The following IYD variants were observed in gnomAD, a reference collection of about 807,000 sequenced individuals.
IYD encodes the protein iodotyrosine deiodinase.
A neutral mutation model predicts 28.4 loss-of-function variants in IYD; 25 were observed. The ratio of observed to expected loss-of-function variants is 0.88; its 90% CI spans 0.64 to 1.23. The LOEUF (loss-of-function observed/expected upper bound fraction) is 1.23. Among genes scored for constraint, IYD ranks in the 50% most tolerant of loss-of-function variants. The pLI, the probability that IYD is intolerant of heterozygous loss-of-function variation, is 0.00. For missense variants in IYD, 352 were observed against 357.9 expected (o/e 0.98, Z 0.13); for synonymous variants, 140 against 130.8 (o/e 1.07, Z -0.48).
At chr6:150,397,394 C>T (rs998829226) in intron 4 of IYD, among the ~76,000 whole-genome samples, 1 of 151,758 alleles carries the variant, frequency 6.6e-6, no homozygotes, top group Non-Finnish European at 1.5e-5. Flanking sequence ...TATGGCAAAA[C>T]CCCATCTCTA....
Position 150,398,654 on chromosome 6 carries a change from G to T in IYD, c.*417G>T. ...AATGGTCTCCTGTTCTCTGATTTCT[G>T]GTGGCTTTTAGACACTAATTTTTGA... On this transcript the variant is annotated 3_prime_UTR_variant, in exon 5 of 5. Coordinates refer to ENST00000344419, the MANE Select transcript of IYD (RefSeq NM_203395.3). 6.2e-6 allele frequency: 1 copy of T among 161,842 alleles called. No individual in the cohort carries two copies. The highest frequency in any genetic ancestry group is 1.3e-5 in the Non-Finnish European group (1 of 74,472). The allele number at this position is 161,842 out of a possible 1,614,324, so 10.0% of individuals were successfully genotyped here.
chr6:150,369,592 G>A (rs1473473123), intron 1 of IYD, among the ~76,000 whole-genome samples: 1 of 152,190 alleles, frequency 6.6e-6, no homozygotes, highest in East Asian at 1.9e-4. Flanking sequence ...CATCACCTAG[G>A]AGGCTGCTAC....
Position 150,383,717 on chromosome 6 carries a change from C to G in IYD, c.179-5635C>G, listed in dbSNP as rs528093887. 1.2e-3 allele frequency among the ~76,000 whole-genome samples: 181 copies of G among 146,628 alleles called. 1 individual carries two copies. Among genetic ancestry groups the G allele is most frequent in the African/African-American group, 4.4e-3 (174 of 39,616 alleles). On this transcript the variant is annotated intron_variant, in intron 1 of 4. Transcript: ENST00000344419. Reference sequence around the variant, plus strand: ...GTGGCTCATGCCTGTAATCCCAGCACTTTGGGAGGCTGAGGTGGGAGGATT... The same window carrying G: ...GTGGCTCATGCCTGTAATCCCAGCAGTTTGGGAGGCTGAGGTGGGAGGATT...
In IYD at chr6:150,394,273, G is replaced by C; in HGVS notation, c.687+18G>C. 3 of 1,613,896 alleles carry C rather than the reference G, an allele frequency of 1.9e-6. No homozygotes were observed. Among genetic ancestry groups the C allele is most frequent in the South Asian group, 2.2e-5 (2 of 91,060 alleles). ...CCCTGCAGGTATGTTGAGACATCAA[G>C]GGTTACAGGGTGGCCTTATTAGAAC... is the stretch of plus-strand genomic sequence containing the variant. On this transcript the variant is annotated intron_variant, in intron 4 of 4. Transcript: ENST00000344419.
At chr6:150,383,508 A>G (rs1192156585) in intron 1 of IYD, among the ~76,000 whole-genome samples, 1 of 152,250 alleles carries the variant, frequency 6.6e-6, no homozygotes, top group Non-Finnish European at 1.5e-5. Context: ...GTTTTAAAAT[A>G]TATCTTACAA....
In IYD at chr6:150,369,120, A is replaced by C. The variant is rs373765215; in HGVS notation, c.89A>C (p.Lys30Thr). The C allele has an allele frequency of 9.9e-6, 16 of 1,613,812 alleles. No homozygotes were observed. In the African/African-American group the frequency reaches 2.1e-4, roughly 22 times the overall value. Reference sequence around the variant, plus strand: ...AATGCCGACAGAAGCATGGAGAAAAAGAAGGGGGAGCCTAGAACCAGGGCC... The same window carrying C: ...AATGCCGACAGAAGCATGGAGAAAACGAAGGGGGAGCCTAGAACCAGGGCC... ...FKNADRSMEK[K>T]KGEPRTRAEA... The change falls in exon 1 of 5, where the codon AAG (lysine) becomes ACG (threonine). Residue 30 changes from lysine (K) to threonine (T), a missense_variant. Transcript: ENST00000344419.
intron 4 of IYD, chr6:150,395,453 A>T (rs1377504233): frequency 1.3e-6 from 2 of 1,537,240 alleles, no homozygotes; most frequent in Admixed American, 2.0e-5. Context: ...ATCTGTAAGC[A>T]GGTAAATAAT....
chr6:150,377,530 T>C (rs1777494389), intron 1 of IYD, among the ~76,000 whole-genome samples: 1 of 152,206 alleles, frequency 6.6e-6, no homozygotes. Context: ...CAGGAGGTGA[T>C]GAGGATCATT....
chr6:150,389,738 G>T, intron 2 of IYD, 195 bp downstream of exon 2: 3 of 576,998 alleles, frequency 5.2e-6, no homozygotes, highest in Non-Finnish European at 9.3e-6. Context: ...ACTATTACAA[G>T]CTTCTTGGAA....
intron 1 of IYD, among the ~76,000 whole-genome samples, chr6:150,383,440 G>C (rs1478719532): frequency 2.0e-5 from 3 of 152,178 alleles, no homozygotes; most frequent in Admixed American, 6.5e-5. Context: ...CCTTCAGCTA[G>C]ATTTTGACCG....
At chr6:150,392,938 G>C (rs544231084) in intron 3 of IYD, among the ~76,000 whole-genome samples, 9 of 152,204 alleles carry the variant, frequency 5.9e-5, no homozygotes, top group Non-Finnish European at 1.3e-4. Flanking sequence ...GAAGTGGAGG[G>C]GAATTCAGTG....
chr6:150,370,824 G>A, intron 1 of IYD: 1 of 221,766 alleles, frequency 4.5e-6, no homozygotes, highest in South Asian at 1.6e-4. Context: ...GAGACTGGAA[G>A]CTATCATAAG....
intron 1 of IYD, among the ~76,000 whole-genome samples, chr6:150,374,707 T>A (rs1466784795): frequency 6.6e-6 from 1 of 152,170 alleles, no homozygotes; most frequent in African/African-American, 2.4e-5. Context: ...GGAGCTACAA[T>A]TCAAGATGAG....
intron 4 of IYD, among the ~76,000 whole-genome samples, chr6:150,395,073 C>T (rs1430276876): frequency 6.6e-6 from 1 of 152,172 alleles, no homozygotes; most frequent in Non-Finnish European, 1.5e-5. Context: ...TCACTCTTCT[C>T]AGCTTCCCAA....
At position 150,369,198 on chromosome 6, in the gene IYD, A is replaced by G. The variant is rs755933355; in HGVS notation, c.167A>G (p.Gln56Arg). 7.4e-6 allele frequency: 12 copies of G among 1,612,534 alleles called. No homozygotes were observed. The East Asian group carries it at 2.0e-4, about 27-fold the overall frequency. Residue 56 changes from glutamine (Q) to arginine (R), a missense_variant, in exon 1 of 5, where the codon CAA becomes CGA. By Grantham distance (43) the Gln-to-Arg change is conservative (BLOSUM62 1). Transcript: ENST00000344419. ...TTAAAAGACAGCAGTGACCTGCACC[A>G]AGCAGAAGAAGGTAAAGACACCAGC... ...EDLKDSSDLHQAEEDADEWQE... is the reference protein window; with the variant it reads ...EDLKDSSDLHRAEEDADEWQE...
intron 1 of IYD, among the ~76,000 whole-genome samples, chr6:150,381,040 G>C (rs1258957144): frequency 6.6e-6 from 1 of 152,186 alleles, no homozygotes; most frequent in African/African-American, 2.4e-5. Flanking sequence ...CATCAGCCTG[G>C]TGAGGGGATG....
chr6:150,384,991 C>T (rs533247539), intron 1 of IYD: 1 of 152,182 alleles, frequency 6.6e-6, no homozygotes, highest in South Asian at 2.1e-4. Context: ...AGTGATTGAC[C>T]CTTCTGTTGC....
intron 1 of IYD, chr6:150,370,419 G>C (rs561110278): frequency 3.9e-5 from 33 of 846,998 alleles, no homozygotes; most frequent in Non-Finnish European, 4.5e-5. Flanking sequence ...GTGTGCGTGC[G>C]CATGAGTGTG....
chr6:150,380,799 G>A (rs1777619831), intron 1 of IYD, among the ~76,000 whole-genome samples: 1 of 152,152 alleles, frequency 6.6e-6, no homozygotes. Flanking sequence ...CAAACAGCAT[G>A]TTAGCATTTG....
Sources: allele counts gnomAD v4.1 joint callset (sites outside exome capture counted in the v4.1 genomes callset), GRCh38; gene constraint gnomAD v4.1.1; transcripts MANE v1.5; gene names NCBI Gene and HGNC (gene_info 2026-07-23, HGNC 2026-07-21).